The following GPKOW variants were observed in gnomAD, a reference collection of about 807,000 sequenced individuals.
GPKOW encodes G-patch domain and KOW motifs-containing protein.
For missense variants in GPKOW, 359 were observed against 404.7 expected (o/e 0.89, Z 0.97); for synonymous variants, 167 against 159.1 (o/e 1.05, Z -0.37).
intron 7 of GPKOW, 72 bp from the exon 8 acceptor site, chrX:49,116,086 A>G (rs2065192652): frequency 1.4e-5 from 17 of 1,175,363 alleles, no homozygotes; most frequent in Non-Finnish European, 2.0e-5. Flanking sequence ...CCCTTTGCCT[A>G]TGCTATGAAA....
At chrX:49,114,282 G>A (rs1307391378) in intron 9 of GPKOW, among the ~76,000 whole-genome samples, 5 of 110,333 alleles carry the variant, frequency 4.5e-5, no homozygotes, top group Non-Finnish European at 9.5e-5. Context: ...TGGGATTACA[G>A]GCACCCACTA....
intron 9 of GPKOW, among the ~76,000 whole-genome samples, chrX:49,114,994 C>T (rs1173604624): frequency 8.6e-5 from 9 of 105,000 alleles, no homozygotes; most frequent in African/African-American, 2.8e-4. Context: ...ACTCTACACC[C>T]TGTTGACAGA....
chrX:49,117,020 G>A lies in GPKOW; in HGVS notation c.913+10C>T. ...GCCAACTCCCCTAGCTCTACAAGAGGCTCACTCACTGAGATCCAAGGTGTT... is the reference window on the plus strand; with the variant it reads ...GCCAACTCCCCTAGCTCTACAAGAGACTCACTCACTGAGATCCAAGGTGTT... On this transcript the variant is annotated intron_variant, in intron 6 of 10. Coordinates refer to ENST00000156109, the MANE Select transcript of GPKOW (RefSeq NM_015698.6). 1 of 1,204,722 alleles carries A rather than the reference G, an allele frequency of 8.3e-7. No individual in the cohort carries two copies. The highest frequency in any genetic ancestry group is 1.1e-6 in the Non-Finnish European group (1 of 890,199).
rs1557090367 is a variant in GPKOW, at chrX:49,117,078, G to T, written c.865C>A (p.Leu289Met). The T allele has an allele frequency of 8.3e-7, 1 of 1,206,935 alleles. No individual in the cohort carries two copies. ...AACTCCTGCTGGGAGACAGGCCGCAGGTAGTACTCACTAACAGTCACCACC... is the reference window on the plus strand; with the variant it reads ...AACTCCTGCTGGGAGACAGGCCGCATGTAGTACTCACTAACAGTCACCACC... ...SRVVTVSEYY[L>M]RPVSQQEFDK... The change falls in exon 6 of 11, where the codon CTG (leucine) becomes ATG (methionine). Residue 289 changes from leucine (L) to methionine (M), a missense_variant. Leu to Met is a conservative substitution (Grantham distance 15). Coordinates refer to ENST00000156109, the MANE Select transcript of GPKOW (RefSeq NM_015698.6).
chrX:49,119,216 CA>C (rs2065205194), intron 4 of GPKOW, among the ~76,000 whole-genome samples: 1 of 110,095 alleles, frequency 9.1e-6, no homozygotes, highest in African/African-American at 3.3e-5. Flanking sequence ...CTCAGCCTCC[CA>C]AAGTGCTGGG....
intron 3 of GPKOW, among the ~76,000 whole-genome samples, chrX:49,121,357 C>T (rs781913499): frequency 9.2e-6 from 1 of 108,272 alleles, no homozygotes; most frequent in Non-Finnish European, 1.9e-5. Context: ...GATCCCAGGA[C>T]CGGGAGGTTG....
intron 9 of GPKOW, 140 bp from the exon 10 acceptor site, chrX:49,114,078 G>A (rs2065181934): frequency 6.6e-6 from 3 of 457,188 alleles, no homozygotes; most frequent in Admixed American, 3.4e-5. Flanking sequence ...TGGGAGGATC[G>A]CTTGAGCCCA....
rs73634205 is a variant in GPKOW, at chrX:49,122,388, G to A, written c.456+10C>T. Reference sequence around the variant, plus strand: ...GGCTGGGGCAGGAGGGGGACAAGGGGCCAGCTCACTGTCTCTGCCCGGGGT... The same window carrying A: ...GGCTGGGGCAGGAGGGGGACAAGGGACCAGCTCACTGTCTCTGCCCGGGGT... On this transcript the variant is annotated intron_variant, in intron 3 of 10. Transcript: ENST00000156109. 15,754 of 1,135,529 alleles carry A rather than the reference G, an allele frequency of 0.014. 1,353 individuals are homozygous for A. The African/African-American group carries it at 0.25, about 18-fold the overall frequency. The allele number at this position is 1,135,529 out of a possible 1,213,427, so 93.6% of individuals were successfully genotyped here. A position where few individuals can be genotyped will look rare whatever the true frequency, so the allele number is the denominator to read the frequency against.
chrX:49,121,815 A>G (rs1162615532), intron 3 of GPKOW, among the ~76,000 whole-genome samples: 4 of 111,116 alleles, frequency 3.6e-5, no homozygotes, highest in Non-Finnish European at 5.7e-5. Context: ...ACTAAACCCT[A>G]CTTATCCTTC....
In GPKOW at chrX:49,118,263, G is replaced by A. The variant is rs5906740; in HGVS notation, c.567-453C>T. On this transcript the variant is annotated intron_variant, in intron 4 of 10. Transcript: ENST00000156109. ...GGTTGCCCTTTCTGATCTCATATTA[G>A]GACTGTTTTTGACCTACAGAAACAG... Among the ~76,000 whole-genome samples the A allele has an allele frequency of 8.1e-5, 9 of 110,884 alleles. No homozygotes were observed. The Admixed American group carries it at 8.7e-4, about 11-fold the overall frequency.
chrX:49,119,474 A>T (rs2065206146), intron 4 of GPKOW, among the ~76,000 whole-genome samples: 1 of 111,665 alleles, frequency 9.0e-6, no homozygotes, highest in Admixed American at 9.6e-5. Flanking sequence ...CCCATTTTTC[A>T]GATGAGGAAA....
chrX:49,114,189 G>C (rs2065182439), intron 9 of GPKOW, among the ~76,000 whole-genome samples: 1 of 110,928 alleles, frequency 9.0e-6, no homozygotes, highest in Non-Finnish European at 1.9e-5. Flanking sequence ...GCCCAGGCTG[G>C]AGTGCAATGG....
In GPKOW at chrX:49,113,608, G is replaced by T. The variant is rs2065179562; in HGVS notation, c.*13C>A. The T allele has an allele frequency of 6.6e-6, 8 of 1,205,081 alleles. No individual in the cohort carries two copies. Among genetic ancestry groups the T allele is most frequent in the Non-Finnish European group, 9.0e-6 (8 of 889,746 alleles). On this transcript the variant is annotated 3_prime_UTR_variant, in exon 11 of 11. Coordinates refer to ENST00000156109, the MANE Select transcript of GPKOW (RefSeq NM_015698.6). Reference sequence around the variant, plus strand: ...ACTGGTACCAGCCTGGGGGATGGGAGGAGTCCCATGGGTCAGTCATCATCT... The same window carrying T: ...ACTGGTACCAGCCTGGGGGATGGGATGAGTCCCATGGGTCAGTCATCATCT...
At chrX:49,123,467 A>G in intron 1 of GPKOW, 80 bp downstream of exon 1, 1 of 989,858 alleles carries the variant, frequency 1.0e-6, no homozygotes, top group Non-Finnish European at 1.4e-6. Flanking sequence ...CACTGTCACC[A>G]AGACAAACAA....
chrX:49,120,206 G>C (rs1382084990), intron 3 of GPKOW, among the ~76,000 whole-genome samples: 1 of 112,070 alleles, frequency 8.9e-6, no homozygotes, highest in Non-Finnish European at 1.9e-5. Flanking sequence ...GAGAGGGAGT[G>C]CCACTGGGTT....
chrX:49,114,604 C>A (rs1409913087), intron 9 of GPKOW, among the ~76,000 whole-genome samples: 85 of 54,939 alleles, frequency 1.5e-3, no homozygotes, highest in Non-Finnish European at 1.7e-3. Context: ...GACCCAATCT[C>A]AAAAAAAAAA....
At chrX:49,119,199 C>G (rs2065205126) in intron 4 of GPKOW, among the ~76,000 whole-genome samples, 1 of 109,762 alleles carries the variant, frequency 9.1e-6, no homozygotes, top group Non-Finnish European at 1.9e-5. Context: ...CCTCGTGATC[C>G]ACCCACCTCA....
chrX:49,123,005 C>G (rs1170672941), intron 1 of GPKOW, among the ~76,000 whole-genome samples: 2 of 111,588 alleles, frequency 1.8e-5, no homozygotes, highest in Non-Finnish European at 3.8e-5. Flanking sequence ...GTCCTGCACT[C>G]TCTGTTTAAC....
chrX:49,123,690 C>T lies in GPKOW; in HGVS notation c.33G>A (p.Leu11=), dbSNP rs1438578240. Residue 11 remains leucine (L), a synonymous_variant, in exon 1 of 11, where the codon CTG becomes CTA. Transcript: ENST00000156109. MADSKEGVLP[L]TAASTAPISF... is the part of the protein sequence containing the mutation. ...AAATTGGGGCAGTGGAAGCAGCCGT[C>T]AGCGGCAAAACACCCTCTTTGGAGT... 1 of 1,206,448 alleles carries T rather than the reference C, an allele frequency of 8.3e-7. No homozygotes were observed. The highest frequency in any genetic ancestry group is 1.7e-5 in the African/African-American group (1 of 57,439).
Sources: allele counts gnomAD v4.1 joint callset (sites outside exome capture counted in the v4.1 genomes callset), GRCh38; gene constraint gnomAD v4.1.1; transcripts MANE v1.5; gene names NCBI Gene and HGNC (gene_info 2026-07-23, HGNC 2026-07-21).